Variants in ZNF708 observed in about 807,000 individuals in gnomAD.
ZNF708 encodes zinc finger protein 708.
A neutral mutation model predicts 47.0 loss-of-function variants in ZNF708; 44 were observed. The ratio of observed to expected loss-of-function variants is 0.94; its 90% CI spans 0.74 to 1.20. The LOEUF (loss-of-function observed/expected upper bound fraction) is 1.20. Among genes scored for constraint, ZNF708 ranks in the 50% most tolerant of loss-of-function variants. The pLI is 0.00. For synonymous variants in ZNF708, 184 were observed against 218.5 expected (o/e 0.84, Z 1.39); for missense variants, 557 against 656.0 (o/e 0.85, Z 1.65).
chr19:21,319,425 C>G (rs1973081490), intron 1 of ZNF708, among the ~76,000 whole-genome samples: 1 of 149,400 alleles, frequency 6.7e-6, no homozygotes. Context: ...TCATTGTGTT[C>G]AATTTGTGTG....
At chr19:21,295,582 C>A (rs1972511990) in intron 3 of ZNF708, among the ~76,000 whole-genome samples, 1 of 152,100 alleles carries the variant, frequency 6.6e-6, no homozygotes, top group African/African-American at 2.4e-5. Flanking sequence ...CCCATCTCTA[C>A]TAAAAATACA....
chr19:21,322,549 C>T (rs958735853), intron 1 of ZNF708, among the ~76,000 whole-genome samples: 12 of 152,100 alleles, frequency 7.9e-5, no homozygotes, highest in African/African-American at 2.4e-4. Context: ...GCAATCCACC[C>T]GCCTCGGCCT....
intron 3 of ZNF708, among the ~76,000 whole-genome samples, chr19:21,298,708 T>C (rs1376309320): frequency 1.3e-5 from 2 of 152,122 alleles, no homozygotes. Context: ...ACTAATAAAA[T>C]AGAATCCAGC....
intron 3 of ZNF708, among the ~76,000 whole-genome samples, chr19:21,304,160 T>C (rs1436886889): frequency 6.6e-6 from 1 of 151,872 alleles, no homozygotes; most frequent in Non-Finnish European, 1.5e-5. Flanking sequence ...TTCTGGTGAG[T>C]AAGGGTCCTA....
chr19:21,293,035 G>A lies in ZNF708; in HGVS notation c.*239C>T. 2 of 475,604 alleles carry A rather than the reference G, an allele frequency of 4.2e-6. No homozygotes were observed. The highest frequency in any genetic ancestry group is 7.4e-6 in the Non-Finnish European group (2 of 269,178). 29.5% of individuals were successfully genotyped at this position (475,604 alleles called of 1,614,324 possible). ...AATTACTGTGATGTCTTCCAGCTTT[G>A]TAGTTTCTCTCCAGTTTAAGTTTTT... On this transcript the variant is annotated 3_prime_UTR_variant, in exon 4 of 4. Coordinates refer to ENST00000356929, the MANE Select transcript of ZNF708 (RefSeq NM_021269.3).
intron 1 of ZNF708, among the ~76,000 whole-genome samples, chr19:21,327,463 C>T (rs1374441283): frequency 2.0e-5 from 3 of 148,668 alleles, no homozygotes; most frequent in African/African-American, 5.0e-5. Flanking sequence ...ACCTGGGAGG[C>T]GGAGGTTGCG....
At chr19:21,323,285 A>C (rs990315790) in intron 1 of ZNF708, among the ~76,000 whole-genome samples, 11 of 152,186 alleles carry the variant, frequency 7.2e-5, no homozygotes, top group Non-Finnish European at 1.5e-4. Context: ...CTTATTGAAA[A>C]ATCAGTTGAA....
chr19:21,327,123 C>G (rs1163425017), intron 1 of ZNF708, among the ~76,000 whole-genome samples: 1 of 151,960 alleles, frequency 6.6e-6, no homozygotes, highest in Non-Finnish European at 1.5e-5. Flanking sequence ...ATTTTCTTAC[C>G]TTCCAAGTCC....
At chr19:21,321,720 G>GAAGGAAGAAAGA (rs796881452) in intron 1 of ZNF708, among the ~76,000 whole-genome samples, 4 of 143,598 alleles carry the variant, frequency 2.8e-5, no homozygotes, top group African/African-American at 1.0e-4. Context: ...AGGAAGGAAG[G>GAAGGAAGAAAGA]AAGAAAGAAA....
chr19:21,329,108 T>C, intron 1 of ZNF708, 102 bp downstream of exon 1: 1 of 1,527,274 alleles, frequency 6.5e-7, no homozygotes, highest in Non-Finnish European at 9.0e-7. Context: ...GGAGCGCAGA[T>C]TGTGGAGATG....
intron 1 of ZNF708, among the ~76,000 whole-genome samples, chr19:21,313,861 A>G (rs1007395206): frequency 6.6e-6 from 1 of 152,042 alleles, no homozygotes; most frequent in African/African-American, 2.4e-5. Context: ...TACTGGGTTT[A>G]TATTTACTTT....
chr19:21,308,732 T>C (rs998036202), intron 3 of ZNF708, among the ~76,000 whole-genome samples: 3 of 152,104 alleles, frequency 2.0e-5, no homozygotes, highest in African/African-American at 7.2e-5. Context: ...AGAAACTGAA[T>C]AGTCAAAGCA....
At position 21,293,159 on chromosome 19, in the gene ZNF708, G is replaced by T; in HGVS notation, c.*115C>A. The stretch of plus-strand genomic sequence containing the variant: ...TATGAATTATCTTTTGTTTCATAAG[G>T]ATTAAGAGCCAGTTAAAGGCTTTGC... On this transcript the variant is annotated 3_prime_UTR_variant, in exon 4 of 4. Transcript: ENST00000356929. The T allele has an allele frequency of 2.4e-6, 3 of 1,226,544 alleles. No individual in the cohort carries two copies. The highest frequency in any genetic ancestry group is 2.3e-6 in the Non-Finnish European group (2 of 862,834). The allele number at this position is 1,226,544 out of a possible 1,614,324, so 76.0% of individuals were successfully genotyped here.
At chr19:21,298,229 C>T (rs190753939) in intron 3 of ZNF708, among the ~76,000 whole-genome samples, 1 of 152,186 alleles carries the variant, frequency 6.6e-6, no homozygotes, top group East Asian at 1.9e-4. Context: ...ACACACCCTT[C>T]CCAATAGTTC....
At chr19:21,302,718 T>C (rs1254565675) in intron 3 of ZNF708, among the ~76,000 whole-genome samples, 1 of 151,906 alleles carries the variant, frequency 6.6e-6, no homozygotes, top group East Asian at 1.9e-4. Context: ...AAATAAAATA[T>C]ATTATTTTCA....
At chr19:21,320,486 G>C (rs1295133905) in intron 1 of ZNF708, among the ~76,000 whole-genome samples, 1 of 151,482 alleles carries the variant, frequency 6.6e-6, no homozygotes, top group Non-Finnish European at 1.5e-5. Flanking sequence ...AGAAGTTTGA[G>C]ACCAGCCTGG....
intron 3 of ZNF708, among the ~76,000 whole-genome samples, chr19:21,302,900 T>A (rs1316259350): frequency 6.6e-6 from 1 of 151,290 alleles, no homozygotes; most frequent in African/African-American, 2.4e-5. Context: ...AAGAAACACA[T>A]AACAATAACA....
intron 3 of ZNF708, among the ~76,000 whole-genome samples, chr19:21,300,513 A>C (rs1318778791): frequency 1.5e-5 from 2 of 137,024 alleles, no homozygotes; most frequent in Non-Finnish European, 3.1e-5. Context: ...TCTAAAAAAA[A>C]AAAAAAACAA....
rs200730603 is a variant in ZNF708 at position 21,310,487 on chromosome 19, A to G, written c.130+14T>C. The G allele has an allele frequency of 1.5e-6, 2 of 1,325,084 alleles. No individual in the cohort carries two copies. The highest frequency in any genetic ancestry group is 2.0e-6 in the Non-Finnish European group (2 of 1,023,334). 82.1% of individuals were successfully genotyped at this position (1,325,084 alleles called of 1,614,324 possible). On this transcript the variant is annotated intron_variant, in intron 2 of 3. Transcript: ENST00000356929. ...TAAATAATAAAAATTAAAAAAAAAAAAACTTATCCTCACCCAGGAATACCA... is the reference window on the plus strand; with the variant it reads ...TAAATAATAAAAATTAAAAAAAAAAGAACTTATCCTCACCCAGGAATACCA...
Sources: allele counts gnomAD v4.1 joint callset (sites outside exome capture counted in the v4.1 genomes callset), GRCh38; gene constraint gnomAD v4.1.1; transcripts MANE v1.5; gene names NCBI Gene and HGNC (gene_info 2026-07-23, HGNC 2026-07-21).